Variants in OLA1 observed in about 807,000 individuals in gnomAD.
OLA1 encodes obg-like ATPase 1.
In OLA1, 14 loss-of-function variants were observed where a neutral mutation model predicts 48.4. The ratio of observed to expected loss-of-function variants is 0.29; its 90% CI spans 0.19 to 0.45. OLA1 has a LOEUF of 0.45. Among genes scored for constraint, OLA1 ranks in the 20% least tolerant of loss-of-function variants. OLA1 has a pLI of 1.00. For missense variants in OLA1, 325 were observed against 467.1 expected, an observed-to-expected ratio of 0.70 and a Z score of 2.80; for synonymous variants, 127 against 150.4, an observed-to-expected ratio of 0.84 and a Z score of 1.14.
intron 2 of OLA1, among the ~76,000 whole-genome samples, chr2:174,243,472 C>T (rs371527569): frequency 7.9e-5 from 12 of 152,222 alleles, no homozygotes; most frequent in Admixed American, 2.0e-4. Context: ...TACATCCAGC[C>T]GTCAAAGGGG....
At chr2:174,126,635 G>T (rs1686051252) in intron 5 of OLA1, among the ~76,000 whole-genome samples, 1 of 152,074 alleles carries the variant, frequency 6.6e-6, no homozygotes, top group African/African-American at 2.4e-5. Flanking sequence ...CTACTTCATT[G>T]ATAAAATGCA....
intron 5 of OLA1, among the ~76,000 whole-genome samples, chr2:174,124,778 G>A (rs539877676): frequency 6.6e-6 from 1 of 152,164 alleles, no homozygotes; most frequent in South Asian, 2.1e-4. Flanking sequence ...ACCATAATCA[G>A]TTATTCTTCT....
At chr2:174,163,729 T>G (rs1257062778) in intron 4 of OLA1, among the ~76,000 whole-genome samples, 2 of 9,994 alleles carry the variant, frequency 2.0e-4, no homozygotes, top group Admixed American at 9.9e-4. Context: ...TATATATATA[T>G]ATATATATAT....
intron 4 of OLA1, among the ~76,000 whole-genome samples, chr2:174,204,176 C>T (rs1260359455): frequency 2.0e-5 from 3 of 151,796 alleles, no homozygotes; most frequent in South Asian, 2.1e-4. Context: ...CCGAGGCGGG[C>T]GGATCACAAG....
At chr2:174,134,453 A>G (rs34786051) in intron 5 of OLA1, among the ~76,000 whole-genome samples, 21,191 of 152,158 alleles carry the variant, frequency 0.14, 1,606 homozygotes, top group East Asian at 0.21. Flanking sequence ...ACATTCTTCT[A>G]GTTATTCTGA....
At chr2:174,232,081 TTC>T (rs1688740532) in intron 2 of OLA1, among the ~76,000 whole-genome samples, 1 of 152,170 alleles carries the variant, frequency 6.6e-6, no homozygotes, top group South Asian at 2.1e-4. Context: ...CATAACTTAT[TTC>T]AGCAATGATA....
chr2:174,123,153 G>A, intron 7 of OLA1, 27 bp downstream of exon 7: 2 of 1,016,122 alleles, frequency 2.0e-6, no homozygotes, highest in South Asian at 1.3e-5. Flanking sequence ...TGATGCATCT[G>A]GGTATATCTG....
intron 4 of OLA1, among the ~76,000 whole-genome samples, chr2:174,161,766 G>C (rs1558983394): frequency 6.6e-6 from 1 of 150,918 alleles, no homozygotes; most frequent in African/African-American, 2.4e-5. Flanking sequence ...TATTCTCTTA[G>C]GTAACCAAAC....
At chr2:174,133,153 T>C (rs1009864676) in intron 5 of OLA1, among the ~76,000 whole-genome samples, 1 of 152,216 alleles carries the variant, frequency 6.6e-6, no homozygotes, top group African/African-American at 2.4e-5. Context: ...TGTTAGGGCT[T>C]GCACAGTGTA....
At chr2:174,087,076 G>C (rs1184387099) in intron 7 of OLA1, among the ~76,000 whole-genome samples, 1 of 151,084 alleles carries the variant, frequency 6.6e-6, no homozygotes, top group African/African-American at 2.4e-5. Flanking sequence ...CGCCAGGCTG[G>C]AGTGCAGTGG....
At chr2:174,246,024 G>A (rs947471829) in intron 2 of OLA1, among the ~76,000 whole-genome samples, 7 of 152,106 alleles carry the variant, frequency 4.6e-5, no homozygotes, top group African/African-American at 1.7e-4. Context: ...TTACAGCTGG[G>A]CTCAGTGGCT....
intron 5 of OLA1, among the ~76,000 whole-genome samples, chr2:174,131,850 A>C (rs1398764505): frequency 6.6e-6 from 1 of 152,050 alleles, no homozygotes; most frequent in Non-Finnish European, 1.5e-5. Flanking sequence ...TTCATGAAAG[A>C]GATTCACCTA....
chr2:174,080,262 T>C (rs1684829606), intron 9 of OLA1, among the ~76,000 whole-genome samples: 1 of 151,968 alleles, frequency 6.6e-6, no homozygotes, highest in Admixed American at 6.6e-5. Flanking sequence ...CATGTAACAA[T>C]AAATTACAGT....
At chr2:174,090,582 G>A (rs1685091823) in intron 7 of OLA1, among the ~76,000 whole-genome samples, 1 of 152,182 alleles carries the variant, frequency 6.6e-6, no homozygotes, top group Non-Finnish European at 1.5e-5. Context: ...GGCTCCTCTG[G>A]CTCTTAAAAA....
intron 9 of OLA1, chr2:174,080,917 C>T: frequency 2.3e-6 from 1 of 433,748 alleles, no homozygotes; most frequent in Non-Finnish European, 4.2e-6. Context: ...ACAGATTCTA[C>T]AGGATGAAGA....
rs371310133 is a variant in OLA1 at position 174,141,808 on chromosome 2, T to C, written c.549+17A>G. 1.9e-6 allele frequency: 3 copies of C among 1,569,644 alleles called. No homozygotes were observed. Among genetic ancestry groups the C allele is most frequent in the Admixed American group, 1.9e-5 (1 of 51,480 alleles). ...TAAACTCTTGAGTATCTAAAGAAGC[T>C]GTAAATTTTTACTTACATATTCAGG... On this transcript the variant is annotated intron_variant, in intron 5 of 10. Transcript: ENST00000284719.
At chr2:174,156,435 A>G (rs1038500289) in intron 4 of OLA1, among the ~76,000 whole-genome samples, 1 of 152,182 alleles carries the variant, frequency 6.6e-6, no homozygotes, top group African/African-American at 2.4e-5. Flanking sequence ...ATAGGTTCAA[A>G]TGTGTAGATG....
intron 5 of OLA1, among the ~76,000 whole-genome samples, chr2:174,128,592 C>T (rs1326617463): frequency 6.6e-6 from 1 of 151,658 alleles, no homozygotes; most frequent in African/African-American, 2.4e-5. Context: ...AATAAATTAG[C>T]TAGATGTGGT....
At chr2:174,162,957 T>G (rs1041481237) in intron 4 of OLA1, among the ~76,000 whole-genome samples, 2 of 151,978 alleles carry the variant, frequency 1.3e-5, no homozygotes, top group Admixed American at 1.3e-4. Flanking sequence ...AGGTGGAGAA[T>G]TGATTGAGCC....
Sources: allele counts gnomAD v4.1 joint callset (sites outside exome capture counted in the v4.1 genomes callset), GRCh38; gene constraint gnomAD v4.1.1; transcripts MANE v1.5; gene names NCBI Gene and HGNC (gene_info 2026-07-23, HGNC 2026-07-21).